The following ADAM22 variants were observed in gnomAD, a reference collection of about 807,000 sequenced individuals.
ADAM22 encodes the protein ADAM metallopeptidase domain 22.
In ADAM22, 65 loss-of-function variants were observed where a neutral mutation model predicts 144.6. The ratio of observed to expected loss-of-function variants is 0.45; its 90% confidence interval spans 0.37 to 0.55. The LOEUF is 0.55. Ranked by LOEUF, ADAM22 falls within the 20% of genes least tolerant of loss-of-function variation. The pLI is 0.00. For missense variants in ADAM22, 974 were observed against 1,184.9 expected, an observed-to-expected ratio of 0.82 and a Z score of 2.61; for synonymous variants, 391 against 412.6, an observed-to-expected ratio of 0.95 and a Z score of 0.63.
chr7:88,144,518 A>G (rs929012433), intron 15 of ADAM22, among the ~76,000 whole-genome samples: 4 of 152,126 alleles, frequency 2.6e-5, no homozygotes, highest in African/African-American at 9.7e-5. Flanking sequence ...CGATCAATGG[A>G]TATACTAATT....
chr7:87,989,200 T>C (rs972537035), intron 3 of ADAM22, among the ~76,000 whole-genome samples: 4 of 152,202 alleles, frequency 2.6e-5, no homozygotes, highest in African/African-American at 9.7e-5. Flanking sequence ...TATGAATGGG[T>C]TCTTTAATTA....
At chr7:87,956,955 A>G (rs1318435465) in intron 2 of ADAM22, among the ~76,000 whole-genome samples, 1 of 152,198 alleles carries the variant, frequency 6.6e-6, no homozygotes, top group African/African-American at 2.4e-5. Flanking sequence ...TTCTTATTAC[A>G]TACAGTGGTA....
chr7:88,083,587 TTGTGTGTGTGTGTGTG>T lies in ADAM22; in HGVS notation c.390+7927_390+7942del, dbSNP rs35145003. On this transcript the variant is annotated intron_variant, in intron 4 of 31. Transcript: ENST00000413139. ...TTTTTTTTCTCTTTTTACTTTGTGT[TTGTGTGTGTGTGTGTG>T]TGTGTGTGTGTGTGTGTGTGTGTGT... Among the ~76,000 whole-genome samples, 443 of 126,746 alleles carry T rather than the reference TTGTGTGTGTGTGTGTG, an allele frequency of 3.5e-3. 3 individuals are homozygous for T. Among genetic ancestry groups the T allele is most frequent in the African/African-American group, 0.01 (337 of 33,558 alleles). 83.2% of individuals were successfully genotyped at this position (126,746 alleles called of 152,430 possible).
Position 87,960,381 on chromosome 7 carries a change from T to TGTGG in ADAM22, c.247-17952_247-17951insGGTG, listed in dbSNP as rs1360702943. 1.8e-4 allele frequency among the ~76,000 whole-genome samples: 27 copies of TGTGG among 151,424 alleles called. No homozygotes were observed. The East Asian group carries it at 5.2e-3, about 29-fold the overall frequency. On this transcript the variant is annotated intron_variant, in intron 2 of 31. Coordinates refer to ENST00000413139, the MANE Select transcript of ADAM22 (RefSeq NM_001324418.2). ...TTGCTGCTGGTGGTAGTGGGGTGTG[T>TGTGG]GTGTGTGTGTGTGTGTCTGTGTGTG...
chr7:88,129,944 C>G (rs562664732), intron 9 of ADAM22, among the ~76,000 whole-genome samples: 1 of 152,230 alleles, frequency 6.6e-6, no homozygotes, highest in African/African-American at 2.4e-5. Context: ...TTAGAGGTTT[C>G]TTCTTGCTGA....
intron 3 of ADAM22, among the ~76,000 whole-genome samples, chr7:88,047,489 T>C (rs901973897): frequency 1.3e-5 from 2 of 152,174 alleles, no homozygotes; most frequent in African/African-American, 4.8e-5. Context: ...GGGATTTGAT[T>C]TTTGTATTTT....
At chr7:88,103,383 T>C (rs1427525942) in intron 4 of ADAM22, among the ~76,000 whole-genome samples, 1 of 152,170 alleles carries the variant, frequency 6.6e-6, no homozygotes, top group African/African-American at 2.4e-5. Flanking sequence ...ATGTGGTATG[T>C]CTTTGAATTT....
intron 5 of ADAM22, among the ~76,000 whole-genome samples, chr7:88,112,921 C>T (rs973724265): frequency 6.6e-6 from 1 of 152,114 alleles, no homozygotes; most frequent in South Asian, 2.1e-4. Flanking sequence ...CCACTCACTA[C>T]GTTGCCCAGG....
At chr7:87,953,497 G>T (rs1213475615) in intron 2 of ADAM22, among the ~76,000 whole-genome samples, 1 of 152,162 alleles carries the variant, frequency 6.6e-6, no homozygotes, top group East Asian at 1.9e-4. Context: ...TTGCACTGTG[G>T]TCTGAGAGAC....
At chr7:88,026,267 T>C (rs115365982) in intron 3 of ADAM22, among the ~76,000 whole-genome samples, 164 of 152,318 alleles carry the variant, frequency 1.1e-3, no homozygotes, top group African/African-American at 3.7e-3. Flanking sequence ...AGGGAACTTT[T>C]ACTCATGGCA....
intron 25 of ADAM22, among the ~76,000 whole-genome samples, chr7:88,170,533 A>G (rs1844061384): frequency 6.6e-6 from 1 of 151,898 alleles, no homozygotes; most frequent in Non-Finnish European, 1.5e-5. Context: ...AAAGCAAAAC[A>G]TGTTGAATAG....
chr7:88,018,510 A>G (rs1041685791), intron 3 of ADAM22, among the ~76,000 whole-genome samples: 1 of 152,194 alleles, frequency 6.6e-6, no homozygotes, highest in Non-Finnish European at 1.5e-5. Context: ...GTAGGTGTAT[A>G]AAAAACAAAG....
At chr7:87,964,908 T>G (rs1848706830) in intron 2 of ADAM22, among the ~76,000 whole-genome samples, 1 of 152,188 alleles carries the variant, frequency 6.6e-6, no homozygotes, top group Non-Finnish European at 1.5e-5. Context: ...TTCTTGCTAT[T>G]TTCTAACCTA....
intron 22 of ADAM22, among the ~76,000 whole-genome samples, chr7:88,161,193 G>GAAAAA (rs34723283): frequency 7.3e-6 from 1 of 136,958 alleles, no homozygotes; most frequent in Non-Finnish European, 1.6e-5. Flanking sequence ...AACATATTTG[G>GAAAAA]AAAAAAAAAA....
At chr7:87,990,091 G>A (rs1789431641) in intron 3 of ADAM22, among the ~76,000 whole-genome samples, 1 of 152,022 alleles carries the variant, frequency 6.6e-6, no homozygotes, top group Non-Finnish European at 1.5e-5. Context: ...TCCATCAAGT[G>A]TATATAGAGT....
Position 88,105,099 on chromosome 7 carries a change from T to G in ADAM22, c.391-3077T>G, listed in dbSNP as rs1351484264. 3.9e-5 allele frequency among the ~76,000 whole-genome samples: 6 copies of G among 152,194 alleles called. No individual in the cohort carries two copies. The South Asian group carries it at 1.2e-3, about 31-fold the overall frequency. On this transcript the variant is annotated intron_variant, in intron 4 of 31. Coordinates refer to ENST00000413139, the MANE Select transcript of ADAM22 (RefSeq NM_001324418.2). ...TATAACATGTTTCCAGAGTTGCGTT[T>G]TTGAAGAAAACTGTAGTAATTTATA...
At chr7:88,044,166 A>G (rs184982418) in intron 3 of ADAM22, among the ~76,000 whole-genome samples, 1 of 152,374 alleles carries the variant, frequency 6.6e-6, no homozygotes, top group Admixed American at 6.5e-5. Flanking sequence ...GCTCTCAAAT[A>G]TTACATTGCA....
intron 2 of ADAM22, among the ~76,000 whole-genome samples, chr7:87,950,587 T>C (rs545115319): frequency 1.9e-4 from 28 of 149,952 alleles, no homozygotes; most frequent in African/African-American, 6.3e-4. Flanking sequence ...TGAATAATGC[T>C]GCAATAAACA....
chr7:87,950,243 A>T (rs1191332815), intron 2 of ADAM22, among the ~76,000 whole-genome samples: 5 of 149,722 alleles, frequency 3.3e-5, no homozygotes, highest in African/African-American at 9.8e-5. Context: ...ACCCATTAAC[A>T]CGTCATTTAG....
Sources: gnomAD v4.1 joint callset for allele counts (sites outside exome capture counted in the v4.1 genomes callset) on GRCh38, gnomAD v4.1.1 for gene constraint, MANE v1.5 for transcripts, NCBI Gene and HGNC (gene_info 2026-07-23, HGNC 2026-07-21) for gene names.